MORC1: variants seen among roughly 807,000 people sequenced by gnomAD.
The protein encoded by MORC1 is MORC family CW-type zinc finger protein 1.
A neutral mutation model predicts 134.9 loss-of-function variants in MORC1; 59 were observed. The ratio of observed to expected loss-of-function variants is 0.44; its 90% CI spans 0.35 to 0.54. The LOEUF is 0.54. Among genes scored for constraint, MORC1 ranks in the 20% least tolerant of loss-of-function variants. MORC1 has a pLI of 0.00. For synonymous variants in MORC1, 395 were observed against 391.7 expected, an observed-to-expected ratio of 1.01 and a Z score of -0.10; for missense variants, 947 against 1,134.5, an observed-to-expected ratio of 0.83 and a Z score of 2.37.
intron 14 of MORC1, among the ~76,000 whole-genome samples, chr3:109,040,156 C>T (rs776671860): frequency 1.9e-4 from 29 of 151,380 alleles, no homozygotes; most frequent in Non-Finnish European, 4.0e-4. Flanking sequence ...CTCTGATTTC[C>T]GGAAATACAA....
intron 8 of MORC1, among the ~76,000 whole-genome samples, chr3:109,089,044 T>C (rs573876807): frequency 5.3e-5 from 8 of 152,008 alleles, no homozygotes; most frequent in African/African-American, 1.9e-4. Context: ...AAGGAAACAA[T>C]AGACACTGGG....
intron 3 of MORC1, 127 bp downstream of exon 3, chr3:109,110,622 C>A (rs775960604): frequency 9.6e-5 from 75 of 780,398 alleles, no homozygotes; most frequent in Non-Finnish European, 1.4e-4. Context: ...GTCACTGTAC[C>A]CACAAAGCAC....
intron 10 of MORC1, among the ~76,000 whole-genome samples, chr3:109,062,836 C>T (rs1950114124): frequency 1.3e-5 from 2 of 152,132 alleles, no homozygotes; most frequent in African/African-American, 4.8e-5. Context: ...GTAATTCTCC[C>T]ATCTTGTCCT....
intron 3 of MORC1, among the ~76,000 whole-genome samples, chr3:109,109,008 G>A (rs13062875): frequency 0.044 from 6,620 of 152,162 alleles, 320 homozygotes; most frequent in African/African-American, 0.12. Flanking sequence ...TATTGAAGAT[G>A]CTCATTCATT....
chr3:108,961,914 A>G (rs551243110), intron 27 of MORC1, among the ~76,000 whole-genome samples: 9 of 152,304 alleles, frequency 5.9e-5, no homozygotes, highest in East Asian at 1.9e-4. Context: ...GTGGTATTCA[A>G]TTTCTAGGAT....
At chr3:109,090,810 A>C (rs1291244933) in intron 8 of MORC1, among the ~76,000 whole-genome samples, 1 of 152,124 alleles carries the variant, frequency 6.6e-6, no homozygotes, top group Non-Finnish European at 1.5e-5. Flanking sequence ...CCTGAAAATT[A>C]CATAGTTTCA....
intron 21 of MORC1, among the ~76,000 whole-genome samples, chr3:108,995,050 G>C (rs933838817): frequency 2.0e-5 from 3 of 152,160 alleles, no homozygotes; most frequent in East Asian, 1.9e-4. Context: ...CCTGATCAGA[G>C]TGCATCACTT....
intron 26 of MORC1, 101 bp downstream of exon 26, chr3:108,969,568 T>G: frequency 8.3e-7 from 1 of 1,206,626 alleles, no homozygotes; most frequent in South Asian, 1.2e-5. Flanking sequence ...GAATGCAAAT[T>G]TGATTTCCTT....
intron 14 of MORC1, among the ~76,000 whole-genome samples, chr3:109,050,732 T>G (rs1470564): frequency 0.017 from 2,544 of 152,206 alleles, 69 homozygotes; most frequent in African/African-American, 0.058. Context: ...ATATGAAGAT[T>G]TATGTATTTT....
chr3:109,069,764 T>C lies in MORC1; in HGVS notation c.690-7A>G, dbSNP rs1355250387. ...TGACCACCTCGCTGGGAAACTGAAA[T>C]AGAAAATACAAAATGTCACAATACA... On this transcript the variant is annotated splice_polypyrimidine_tract_variant and splice_region_variant and intron_variant, in intron 8 of 27. Coordinates refer to ENST00000232603, the MANE Select transcript of MORC1 (RefSeq NM_014429.4). 3.1e-6 allele frequency: 5 copies of C among 1,606,130 alleles called. No homozygotes were observed. Among genetic ancestry groups the C allele is most frequent in the Non-Finnish European group, 4.3e-6 (5 of 1,175,256 alleles).
intron 8 of MORC1, among the ~76,000 whole-genome samples, chr3:109,091,295 T>G (rs533958652): frequency 6.6e-6 from 1 of 151,738 alleles, no homozygotes; most frequent in East Asian, 1.9e-4. Context: ...ATACAAAAAA[T>G]TAGCCGGGCA....
At chr3:109,047,439 A>G (rs1266978079) in intron 14 of MORC1, among the ~76,000 whole-genome samples, 1 of 152,190 alleles carries the variant, frequency 6.6e-6, no homozygotes, top group African/African-American at 2.4e-5. Flanking sequence ...AAAAAATGTC[A>G]TTATCATGAT....
chr3:109,000,311 T>C, intron 21 of MORC1, among the ~76,000 whole-genome samples: 1 of 152,186 alleles, frequency 6.6e-6, no homozygotes, highest in East Asian at 1.9e-4. Flanking sequence ...TAAGGCTTTC[T>C]TACCCAGATA....
At chr3:109,085,700 A>C (rs1950603779) in intron 8 of MORC1, among the ~76,000 whole-genome samples, 2 of 152,230 alleles carry the variant, frequency 1.3e-5, no homozygotes, top group East Asian at 3.9e-4. Context: ...AATAGTATGA[A>C]GGCTCCTCAA....
intron 7 of MORC1, among the ~76,000 whole-genome samples, chr3:109,094,375 T>C (rs1050968594): frequency 6.6e-6 from 1 of 152,206 alleles, no homozygotes; most frequent in Middle Eastern, 3.2e-3. Context: ...TAAATGGCTG[T>C]GTCTAAATCC....
Position 109,111,274 on chromosome 3 carries a change from T to G in MORC1, c.120-491A>C, listed in dbSNP as rs144933947. Among the ~76,000 whole-genome samples, 23 of 152,304 alleles carry G rather than the reference T, an allele frequency of 1.5e-4. No individual in the cohort carries two copies. In the East Asian group the frequency reaches 4.4e-3, roughly 29 times the overall value. On this transcript the variant is annotated intron_variant, in intron 2 of 27. Transcript: ENST00000232603. ...GGAAAACTATAGCCACGGACCAAAA[T>G]GGCCCATCAACTGTTTGTAAATAAA...
At chr3:108,999,655 C>G (rs1369088626) in intron 21 of MORC1, among the ~76,000 whole-genome samples, 1 of 152,088 alleles carries the variant, frequency 6.6e-6, no homozygotes, top group African/African-American at 2.4e-5. Flanking sequence ...TCCAAAGAGG[C>G]CAGGTCCTTT....
chr3:108,976,933 T>C (rs149738177), intron 24 of MORC1, among the ~76,000 whole-genome samples: 58 of 152,172 alleles, frequency 3.8e-4, no homozygotes, highest in Non-Finnish European at 4.3e-4. Flanking sequence ...CTAAAATTAA[T>C]AGAAATGTTA....
chr3:109,040,825 G>GT (rs1381770892), intron 14 of MORC1, among the ~76,000 whole-genome samples: 7 of 48,868 alleles, frequency 1.4e-4, no homozygotes, highest in African/African-American at 5.1e-4. Flanking sequence ...GTAAAACTCT[G>GT]TGTCAAAAAA....
Sources: gnomAD v4.1 joint callset for allele counts (sites outside exome capture counted in the v4.1 genomes callset) on GRCh38, gnomAD v4.1.1 for gene constraint, MANE v1.5 for transcripts, NCBI Gene and HGNC (gene_info 2026-07-23, HGNC 2026-07-21) for gene names.